The following UBE2L3 variants were observed in gnomAD, a reference collection of about 807,000 sequenced individuals.
UBE2L3 encodes the protein ubiquitin-conjugating enzyme E2 L3.
UBE2L3 carries 1 observed loss-of-function variant against 17.8 expected under a neutral mutation model. The observed-to-expected ratio is 0.06, with a 90% CI of 0.02 to 0.27. The LOEUF (loss-of-function observed/expected upper bound fraction) is 0.27, where lower values mean the gene tolerates loss of function less well. Ranked by LOEUF, UBE2L3 falls within the 10% of genes least tolerant of loss-of-function variation. UBE2L3 has a pLI of 1.00. For synonymous variants in UBE2L3, 44 were observed against 68.5 expected (o/e 0.64, Z 1.76); for missense variants, 40 against 192.6 (o/e 0.21, Z 4.69).
Position 21,622,199 on chromosome 22 carries a change from T to G in UBE2L3, c.*530T>G, listed in dbSNP as rs1930066790. On this transcript the variant is annotated 3_prime_UTR_variant, in exon 4 of 4. Transcript: ENST00000342192. ...GTGTGGGAGTTGGTTTAAATTCTCC[T>G]GACTCCAGTTTATAACATCCTTTTA... is the stretch of plus-strand genomic sequence containing the variant. The G allele has an allele frequency of 6.5e-6, 1 of 152,968 alleles. No individual in the cohort carries two copies. Among genetic ancestry groups the G allele is most frequent in the Admixed American group, 6.5e-5 (1 of 15,280 alleles). The allele number at this position is 152,968 out of a possible 1,614,324, so 9.5% of individuals were successfully genotyped here. A position where few individuals can be genotyped will look rare whatever the true frequency, so the allele number is the denominator to read the frequency against.
chr22:21,568,408 C>A, intron 1 of UBE2L3: 1 of 985,416 alleles, frequency 1.0e-6, no homozygotes, highest in Non-Finnish European at 1.2e-6. Context: ...GGCCTGAGGT[C>A]GGCCCCGATC....
intron 3 of UBE2L3, among the ~76,000 whole-genome samples, chr22:21,614,886 G>A (rs1362560712): frequency 6.6e-6 from 1 of 152,234 alleles, no homozygotes; most frequent in African/African-American, 2.4e-5. Context: ...AGGCGTGGTG[G>A]CTCACGCCTG....
chr22:21,603,670 C>T (rs1928987132), intron 2 of UBE2L3, among the ~76,000 whole-genome samples: 1 of 151,384 alleles, frequency 6.6e-6, no homozygotes, highest in Admixed American at 6.6e-5. Context: ...GGTGAAACCC[C>T]GTCTCTACTA....
intron 1 of UBE2L3, among the ~76,000 whole-genome samples, chr22:21,577,054 C>T (rs1023058601): frequency 4.6e-5 from 7 of 151,564 alleles, no homozygotes; most frequent in East Asian, 1.9e-4. Context: ...CTGAAAGCTC[C>T]GCCTCCTGGG....
At chr22:21,591,804 C>T (rs1256386981) in intron 1 of UBE2L3, among the ~76,000 whole-genome samples, 1 of 152,114 alleles carries the variant, frequency 6.6e-6, no homozygotes. Context: ...GGATGGTGCT[C>T]GGGCTGCAGA....
At chr22:21,582,114 C>T (rs1256800597) in intron 1 of UBE2L3, among the ~76,000 whole-genome samples, 1 of 141,032 alleles carries the variant, frequency 7.1e-6, no homozygotes, top group Non-Finnish European at 1.5e-5. Flanking sequence ...AGTGAGACTT[C>T]ATCTCAAAAA....
chr22:21,622,123 T>C lies in UBE2L3; in HGVS notation c.*454T>C, dbSNP rs1930063464. On this transcript the variant is annotated 3_prime_UTR_variant, in exon 4 of 4. Coordinates refer to ENST00000342192, the MANE Select transcript of UBE2L3 (RefSeq NM_003347.4). Reference sequence around the variant, plus strand: ...CTCGCCTCCACAAAGGAGAAGAGACTGCCCTGGCGGTCCTGGTGGCTTTTC... The same window carrying C: ...CTCGCCTCCACAAAGGAGAAGAGACCGCCCTGGCGGTCCTGGTGGCTTTTC... The C allele has an allele frequency of 6.1e-6, 1 of 164,830 alleles. No homozygotes were observed. Among genetic ancestry groups the C allele is most frequent in the Non-Finnish European group, 1.3e-5 (1 of 76,932 alleles). The allele number at this position is 164,830 out of a possible 1,614,324, so 10.2% of individuals were successfully genotyped here.
chr22:21,567,908 G>A, intron 1 of UBE2L3, 137 bp downstream of exon 1: 1 of 1,511,028 alleles, frequency 6.6e-7, no homozygotes, highest in African/African-American at 1.4e-5. Context: ...CCTGGGCCGC[G>A]CGCAGGCTCA....
chr22:21,557,261 G>T (rs530581903), intron 1 of UBE2L3, among the ~76,000 whole-genome samples: 298 of 152,330 alleles, frequency 2.0e-3, no homozygotes, highest in African/African-American at 7.0e-3. Context: ...CAGCTATTTG[G>T]GAGGCTGAGA....
chr22:21,598,699 A>G lies in UBE2L3; in HGVS notation c.123+5743A>G, dbSNP rs1243823361. ...TATAGCAGGACCCCGTCTCTATTTT[A>G]TTAAAATAATAATAATAATAAATGG... On this transcript the variant is annotated intron_variant, in intron 2 of 3. Coordinates refer to ENST00000342192, the MANE Select transcript of UBE2L3 (RefSeq NM_003347.4). Among the ~76,000 whole-genome samples the G allele has an allele frequency of 2.6e-5, 4 of 151,916 alleles. No homozygotes were observed. In the East Asian group the frequency reaches 7.7e-4, roughly 29 times the overall value.
intron 1 of UBE2L3, among the ~76,000 whole-genome samples, chr22:21,552,809 C>T (rs1403089539): frequency 4.3e-5 from 5 of 117,142 alleles, no homozygotes; most frequent in East Asian, 4.7e-4. Flanking sequence ...CTGCAAGCTC[C>T]GCCTCCTGAG....
intron 1 of UBE2L3, among the ~76,000 whole-genome samples, chr22:21,568,692 G>A (rs1225941753): frequency 1.3e-5 from 2 of 152,120 alleles, no homozygotes; most frequent in African/African-American, 4.8e-5. Flanking sequence ...GCCAGCATCT[G>A]TGAGTCGGCG....
Position 21,611,139 on chromosome 22 carries a change from A to G in UBE2L3, c.310+96A>G, listed in dbSNP as rs537925129. ...TACCAGATCAGACAGAATCCAGAGA[A>G]TCTTTCAGGTACACGAAAAATGTAG... On this transcript the variant is annotated intron_variant, in intron 3 of 3. Coordinates refer to ENST00000342192, the MANE Select transcript of UBE2L3 (RefSeq NM_003347.4). The G allele has an allele frequency of 5.9e-6, 8 of 1,359,132 alleles. No homozygotes were observed. In the South Asian group the frequency reaches 6.1e-5, roughly 10 times the overall value. 84.2% of individuals were successfully genotyped at this position (1,359,132 alleles called of 1,614,324 possible). A position where few individuals can be genotyped will look rare whatever the true frequency, so the allele number is the denominator to read the frequency against.
At chr22:21,616,658 C>CAAA (rs941408810) in intron 3 of UBE2L3, among the ~76,000 whole-genome samples, 1 of 92,852 alleles carries the variant, frequency 1.1e-5, no homozygotes. Context: ...ACTCCATCTC[C>CAAA]AAAAAAAAAA....
rs1031160204 is a variant in UBE2L3 at position 21,614,753 on chromosome 22, G to T, written c.310+3710G>T. On this transcript the variant is annotated intron_variant, in intron 3 of 3. Transcript: ENST00000342192. ...TTAGCTATATCTACCCAAGAGAAATGAAAACATATGCCCAATAAAAACTTG... is the reference window on the plus strand; with the variant it reads ...TTAGCTATATCTACCCAAGAGAAATTAAAACATATGCCCAATAAAAACTTG... The T allele has an allele frequency of 5.0e-6, 4 of 800,150 alleles. No individual in the cohort carries two copies. The African/African-American group carries it at 7.2e-5, about 14-fold the overall frequency. The allele number at this position is 800,150 out of a possible 1,614,324, so 49.6% of individuals were successfully genotyped here.
chr22:21,601,833 G>A (rs1319746707), intron 2 of UBE2L3, among the ~76,000 whole-genome samples: 26 of 151,836 alleles, frequency 1.7e-4, no homozygotes, highest in African/African-American at 5.3e-4. Context: ...TTAGCCGGGC[G>A]TGGTGGTGGG....
At chr22:21,591,753 G>T (rs1414000130) in intron 1 of UBE2L3, among the ~76,000 whole-genome samples, 1 of 152,174 alleles carries the variant, frequency 6.6e-6, no homozygotes, top group Non-Finnish European at 1.5e-5. Flanking sequence ...GCTGGAGCTG[G>T]GCCAGAGGAA....
upstream of UBE2L3, among the ~76,000 whole-genome samples, chr22:21,563,476 G>A (rs1284194608): frequency 7.3e-6 from 1 of 137,766 alleles, no homozygotes; most frequent in Non-Finnish European, 1.6e-5. Flanking sequence ...GCGGGAGAAT[G>A]GCGTGAACCC....
chr22:21,561,546 T>C (rs1344507886), intron 1 of UBE2L3, among the ~76,000 whole-genome samples: 1 of 152,216 alleles, frequency 6.6e-6, no homozygotes, highest in Non-Finnish European at 1.5e-5. Flanking sequence ...CACACCACTA[T>C]ACTCCAGCCT....
Sources: allele counts gnomAD v4.1 joint callset (sites outside exome capture counted in the v4.1 genomes callset), GRCh38; gene constraint gnomAD v4.1.1; transcripts MANE v1.5; gene names NCBI Gene and HGNC (gene_info 2026-07-23, HGNC 2026-07-21).